CEP112: variants seen among roughly 807,000 people sequenced by gnomAD.
The protein encoded by CEP112 is centrosomal protein of 112 kDa.
CEP112 carries 127 observed loss-of-function variants against 153.0 expected under a neutral mutation model. The observed-to-expected ratio is 0.83, with a 90% CI of 0.72 to 0.96. CEP112 has a LOEUF of 0.96. Among genes scored for constraint, CEP112 ranks in the 40% least tolerant of loss-of-function variants. CEP112 has a pLI of 0.00. For synonymous variants in CEP112, 358 were observed against 374.4 expected (o/e 0.96, Z 0.51); for missense variants, 1,089 against 1,101.2 (o/e 0.99, Z 0.16).
intron 6 of CEP112, among the ~76,000 whole-genome samples, chr17:66,098,014 A>G (rs1215010853): frequency 1.3e-5 from 2 of 152,208 alleles, no homozygotes; most frequent in Non-Finnish European, 2.9e-5. Context: ...TTCTCCATTC[A>G]TGGTGAACTG....
At chr17:65,650,938 T>C (rs1275647467) in intron 24 of CEP112, among the ~76,000 whole-genome samples, 1 of 151,856 alleles carries the variant, frequency 6.6e-6, no homozygotes, top group African/African-American at 2.4e-5. Context: ...TATGTATATA[T>C]ATATTTTATT....
chr17:66,004,345 G>A (rs2064183009), intron 17 of CEP112, among the ~76,000 whole-genome samples: 1 of 152,090 alleles, frequency 6.6e-6, no homozygotes, highest in Admixed American at 6.5e-5. Context: ...CCAAAGATTA[G>A]CTGGGCGTGG....
intron 24 of CEP112, among the ~76,000 whole-genome samples, chr17:65,662,293 A>C (rs2046427216): frequency 6.6e-6 from 1 of 152,242 alleles, no homozygotes; most frequent in East Asian, 1.9e-4. Flanking sequence ...ACTGTTACTG[A>C]CTTAGATAAA....
intron 23 of CEP112, among the ~76,000 whole-genome samples, chr17:65,720,993 ATC>A (rs1311977514): frequency 1.9e-4 from 24 of 128,236 alleles, no homozygotes; most frequent in Non-Finnish European, 3.0e-4. Flanking sequence ...TTTAAGTTTT[ATC>A]TCTCTCTCTC....
chr17:65,935,801 A>G (rs2061286521), intron 18 of CEP112, among the ~76,000 whole-genome samples: 1 of 151,968 alleles, frequency 6.6e-6, no homozygotes, highest in Non-Finnish European at 1.5e-5. Flanking sequence ...TTAAAAAAAG[A>G]AAGACAAACC....
chr17:65,902,130 A>G, intron 20 of CEP112, 22 bp downstream of exon 20: 2 of 1,585,420 alleles, frequency 1.3e-6, no homozygotes, highest in South Asian at 1.1e-5. Context: ...TACCCGTTTT[A>G]TCAAATATTA....
At chr17:65,661,553 A>T (rs1382214817) in intron 24 of CEP112, among the ~76,000 whole-genome samples, 2 of 152,194 alleles carry the variant, frequency 1.3e-5, no homozygotes, top group Non-Finnish European at 2.9e-5. Context: ...ATCAGATACT[A>T]TTATAACTAT....
chr17:65,965,238 A>G (rs1248884894), intron 17 of CEP112, among the ~76,000 whole-genome samples: 1 of 152,238 alleles, frequency 6.6e-6, no homozygotes, highest in Non-Finnish European at 1.5e-5. Context: ...AGATAATTAG[A>G]GGCCATTTTA....
chr17:66,027,375 T>TA (rs35334393), intron 16 of CEP112, 126 bp downstream of exon 16: 311,112 of 847,476 alleles, frequency 0.37, 48,612 homozygotes, highest in East Asian at 0.78. Context: ...AGACTCTGTC[T>TA]AAAAAAAAAG....
chr17:66,031,472 T>C (rs201817301), intron 12 of CEP112, among the ~76,000 whole-genome samples: 4 of 34,390 alleles, frequency 1.2e-4, no homozygotes, highest in Non-Finnish European at 6.5e-5. Context: ...AGTTTTGTTT[T>C]GTTTTTTTTT....
At position 66,063,155 on chromosome 17, in the gene CEP112, C is replaced by A. The variant is rs151136378; in HGVS notation, c.956-74G>T. 1.5e-3 allele frequency: 839 copies of A among 571,504 alleles called. 8 individuals are homozygous for A. In the African/African-American group the frequency reaches 0.015, roughly 10 times the overall value. 35.4% of individuals were successfully genotyped at this position (571,504 alleles called of 1,614,324 possible). A position where few individuals can be genotyped will look rare whatever the true frequency, so the allele number is the denominator to read the frequency against. ...GTTTGATGATATAAAATTTAGTGCA[C>A]CAGTTAGTAGGTAATTCAATTTTTC... is the stretch of plus-strand genomic sequence containing the variant. On this transcript the variant is annotated intron_variant, in intron 10 of 26. Coordinates refer to ENST00000535342, the MANE Select transcript of CEP112 (RefSeq NM_001199165.4).
At chr17:66,153,706 G>C (rs1216500255) in intron 4 of CEP112, among the ~76,000 whole-genome samples, 1 of 152,050 alleles carries the variant, frequency 6.6e-6, no homozygotes, top group Admixed American at 6.6e-5. Context: ...TCTTGAGGAA[G>C]AAAAAGAAAG....
intron 4 of CEP112, among the ~76,000 whole-genome samples, chr17:66,141,358 AAAATT>A (rs2146611452): frequency 6.7e-6 from 1 of 150,238 alleles, no homozygotes; most frequent in East Asian, 1.9e-4. Flanking sequence ...CATATTGAAA[AAAATT>A]AAATAAACAT....
chr17:65,743,342 A>G (rs1216248303), intron 22 of CEP112, 125 bp from the exon 23 acceptor site: 3 of 699,018 alleles, frequency 4.3e-6, no homozygotes, highest in Non-Finnish European at 7.0e-6. Context: ...AATATTTTCA[A>G]TTAACATATC....
intron 21 of CEP112, among the ~76,000 whole-genome samples, chr17:65,769,599 G>T (rs2145492604): frequency 6.6e-6 from 1 of 152,174 alleles, no homozygotes; most frequent in East Asian, 1.9e-4. Flanking sequence ...AGAGAGCCCA[G>T]AAATAAATCC....
chr17:65,794,306 A>G (rs1225121994), intron 21 of CEP112, among the ~76,000 whole-genome samples: 2 of 152,264 alleles, frequency 1.3e-5, no homozygotes, highest in Non-Finnish European at 2.9e-5. Flanking sequence ...AAAAGAATAG[A>G]CAAATGATCT....
chr17:65,990,768 A>T (rs2063566237), intron 17 of CEP112, among the ~76,000 whole-genome samples: 1 of 152,228 alleles, frequency 6.6e-6, no homozygotes, highest in African/African-American at 2.4e-5. Flanking sequence ...CCAGTGGACT[A>T]GAGGGGCACA....
chr17:66,177,526 G>C (rs1365441361), intron 2 of CEP112, among the ~76,000 whole-genome samples: 1 of 141,986 alleles, frequency 7.0e-6, no homozygotes, highest in African/African-American at 2.5e-5. Flanking sequence ...AGTCGCATCA[G>C]GATAAATCGG....
rs186784115 is a variant in CEP112, at chr17:65,693,794, G to T, written c.2608-4576C>A. On this transcript the variant is annotated intron_variant, in intron 23 of 26. Transcript: ENST00000535342. ...GTATGTTGAAATCTTAACCCCCAAG[G>T]TTATTAGGAGACAGGACCTCTGGCA... Among the ~76,000 whole-genome samples, 13 of 152,226 alleles carry T rather than the reference G, an allele frequency of 8.5e-5. No individual in the cohort carries two copies. In the East Asian group the frequency reaches 2.5e-3, roughly 29 times the overall value.
Sources: gnomAD v4.1 joint callset for allele counts (sites outside exome capture counted in the v4.1 genomes callset) on GRCh38, gnomAD v4.1.1 for gene constraint, MANE v1.5 for transcripts, NCBI Gene and HGNC (gene_info 2026-07-23, HGNC 2026-07-21) for gene names.